The following VPS13B variants were observed in gnomAD, a reference collection of about 807,000 sequenced individuals.
The protein encoded by VPS13B is vacuolar protein sorting 13 homolog B.
A neutral mutation model predicts 426.4 loss-of-function variants in VPS13B; 285 were observed. That is an observed-to-expected ratio of 0.67 (90% CI 0.61 to 0.74). The LOEUF (loss-of-function observed/expected upper bound fraction) is 0.74. Ranked by LOEUF, VPS13B falls within the 30% of genes least tolerant of loss-of-function variation. The pLI is 0.00. For synonymous variants in VPS13B, 1,676 were observed against 1,676.4 expected, an observed-to-expected ratio of 1.00 and a Z score of 0.01; for missense variants, 4,537 against 4,782.6, an observed-to-expected ratio of 0.95 and a Z score of 1.51.
chr8:99,139,672 C>G (rs866343319), intron 12 of VPS13B, among the ~76,000 whole-genome samples: 2 of 151,892 alleles, frequency 1.3e-5, no homozygotes, highest in South Asian at 2.1e-4. Flanking sequence ...CTCCTGACCT[C>G]GTGATCCACC....
At chr8:99,576,967 A>G (rs1212900408) in intron 32 of VPS13B, among the ~76,000 whole-genome samples, 1 of 152,136 alleles carries the variant, frequency 6.6e-6, no homozygotes, top group African/African-American at 2.4e-5. Context: ...GCTCTTAGCA[A>G]TTAATTGCCT....
chr8:99,785,031 C>T (rs1376535177), intron 43 of VPS13B, among the ~76,000 whole-genome samples: 1 of 152,012 alleles, frequency 6.6e-6, no homozygotes, highest in Non-Finnish European at 1.5e-5. Context: ...GATACAATGA[C>T]AGTGAAAAAC....
chr8:99,378,876 A>C lies in VPS13B; in HGVS notation c.2825-5332A>C, dbSNP rs571887583. Among the ~76,000 whole-genome samples, 5 of 152,224 alleles carry C rather than the reference A, an allele frequency of 3.3e-5. No homozygotes were observed. The East Asian group carries it at 9.7e-4, about 29-fold the overall frequency. On this transcript the variant is annotated intron_variant, in intron 19 of 61. Coordinates refer to ENST00000357162, the MANE Select transcript of VPS13B (RefSeq NM_152564.5). The stretch of plus-strand genomic sequence containing the variant: ...GGTGTCACATAACAATGAATTGGAG[A>C]CTTTCTCAAAGTGACAACTTTTTTT...
At chr8:99,187,258 A>G (rs1813271184) in intron 16 of VPS13B, among the ~76,000 whole-genome samples, 1 of 152,180 alleles carries the variant, frequency 6.6e-6, no homozygotes, top group Non-Finnish European at 1.5e-5. Flanking sequence ...CAGAAATTTG[A>G]GAACATAGTG....
At chr8:99,721,169 C>G in intron 39 of VPS13B, 122 bp downstream of exon 39, 1 of 1,023,640 alleles carries the variant, frequency 9.8e-7, no homozygotes, top group Middle Eastern at 2.1e-4. Context: ...AAATACACAT[C>G]TGTGTGTGTG....
chr8:99,196,418 A>G (rs73285922), intron 17 of VPS13B, among the ~76,000 whole-genome samples: 85 of 147,292 alleles, frequency 5.8e-4, no homozygotes, highest in African/African-American at 2.0e-3. Flanking sequence ...CCACACCTTT[A>G]CTGAATTCAC....
chr8:99,459,279 T>C (rs988351620), intron 23 of VPS13B, among the ~76,000 whole-genome samples: 5 of 152,212 alleles, frequency 3.3e-5, no homozygotes, highest in African/African-American at 7.2e-5. Context: ...TATCACCTTA[T>C]TGAGTTTCTG....
At chr8:99,300,972 C>T (rs1820332545) in intron 19 of VPS13B, among the ~76,000 whole-genome samples, 1 of 150,480 alleles carries the variant, frequency 6.6e-6, no homozygotes, top group Admixed American at 6.6e-5. Flanking sequence ...GCCTGTAATC[C>T]CAGCACTTTG....
At chr8:99,132,392 A>G (rs1809853238) in intron 8 of VPS13B, among the ~76,000 whole-genome samples, 1 of 152,136 alleles carries the variant, frequency 6.6e-6, no homozygotes, top group Non-Finnish European at 1.5e-5. Context: ...TTCAGGTTCC[A>G]CTTCTAAATC....
intron 51 of VPS13B, among the ~76,000 whole-genome samples, chr8:99,825,275 G>GT (rs1814609906): frequency 6.6e-6 from 1 of 152,034 alleles, no homozygotes. Context: ...ATTCTAACTG[G>GT]TATGAGATGG....
At chr8:99,636,777 C>T (rs566547746) in intron 33 of VPS13B, among the ~76,000 whole-genome samples, 158 of 152,052 alleles carry the variant, frequency 1.0e-3, no homozygotes, top group African/African-American at 3.6e-3. Flanking sequence ...TTATCTTCTT[C>T]GATACAGTAA....
chr8:99,853,380 A>C, intron 55 of VPS13B, 71 bp from the exon 56 acceptor site: 1 of 1,528,836 alleles, frequency 6.5e-7, no homozygotes, highest in Non-Finnish European at 9.0e-7. Context: ...GGGTACTGTC[A>C]ATAAAAAAGA....
chr8:99,496,507 C>G lies in VPS13B; in HGVS notation c.3871-5180C>G, dbSNP rs555556716. ...TCTACTAAAAATATAAAAACTTACC[C>G]AGGCGTGGTGGCAGGCACCTGTAGT... On this transcript the variant is annotated intron_variant, in intron 25 of 61. Transcript: ENST00000357162. 3.5e-4 allele frequency among the ~76,000 whole-genome samples: 53 copies of G among 152,170 alleles called. 1 individual carries two copies. In the South Asian group the frequency reaches 9.8e-3, roughly 28 times the overall value.
At chr8:99,571,123 C>T (rs982716820) in intron 31 of VPS13B, among the ~76,000 whole-genome samples, 1 of 152,104 alleles carries the variant, frequency 6.6e-6, no homozygotes. Flanking sequence ...ATCTCAAATA[C>T]CTGTTAAACT....
chr8:99,725,559 A>G (rs1833311544), intron 39 of VPS13B, among the ~76,000 whole-genome samples: 1 of 152,094 alleles, frequency 6.6e-6, no homozygotes, highest in African/African-American at 2.4e-5. Context: ...CTTCTATGAA[A>G]CCGGTCCCTG....
chr8:99,446,011 A>G (rs1040504068), intron 23 of VPS13B, among the ~76,000 whole-genome samples: 3 of 152,326 alleles, frequency 2.0e-5, no homozygotes, highest in East Asian at 3.9e-4. Flanking sequence ...ATACATTGGT[A>G]TGACTGTGTT....
At chr8:99,031,904 T>C (rs1272218419) in intron 2 of VPS13B, among the ~76,000 whole-genome samples, 4 of 152,238 alleles carry the variant, frequency 2.6e-5, no homozygotes, top group East Asian at 3.8e-4. Context: ...CCAAATGATA[T>C]AGTACTGCAG....
intron 11 of VPS13B, 74 bp downstream of exon 11, chr8:99,135,807 C>T (rs1235688883): frequency 1.3e-6 from 2 of 1,588,738 alleles, no homozygotes; most frequent in Admixed American, 3.4e-5. Context: ...CTTGTGATTT[C>T]TAGCTTTCTT....
At chr8:99,151,829 C>T (rs1006056061) in intron 14 of VPS13B, among the ~76,000 whole-genome samples, 1 of 152,090 alleles carries the variant, frequency 6.6e-6, no homozygotes, top group African/African-American at 2.4e-5. Flanking sequence ...TACCACCGCA[C>T]CTGGCCTTTT....
Sources: gnomAD v4.1 joint callset for allele counts (sites outside exome capture counted in the v4.1 genomes callset) on GRCh38, gnomAD v4.1.1 for gene constraint, MANE v1.5 for transcripts, NCBI Gene and HGNC (gene_info 2026-07-23, HGNC 2026-07-21) for gene names.